The following PAPPA2 variants were observed in gnomAD, a reference collection of about 807,000 sequenced individuals.
PAPPA2 encodes pappalysin-2.
In PAPPA2, 86 loss-of-function variants were observed where a neutral mutation model predicts 176.4. That is an observed-to-expected ratio of 0.49 (90% CI 0.41 to 0.58). PAPPA2 has a LOEUF of 0.58. Ranked by LOEUF, PAPPA2 falls within the 20% of genes least tolerant of loss-of-function variation. The probability of loss-of-function intolerance (pLI) is 0.00; values close to 1 mark genes in which losing one functional copy is unlikely to be tolerated. For missense variants in PAPPA2, 2,073 were observed against 2,256.9 expected, an observed-to-expected ratio of 0.92 and a Z score of 1.65; for synonymous variants, 809 against 852.2, an observed-to-expected ratio of 0.95 and a Z score of 0.88.
intron 12 of PAPPA2, among the ~76,000 whole-genome samples, chr1:176,730,765 T>C (rs1662104975): frequency 6.6e-6 from 1 of 152,202 alleles, no homozygotes; most frequent in South Asian, 2.1e-4. Flanking sequence ...CTACTTTAAT[T>C]GTGCCCCATA....
At chr1:176,499,640 A>C (rs1647839068) in intron 1 of PAPPA2, among the ~76,000 whole-genome samples, 1 of 152,204 alleles carries the variant, frequency 6.6e-6, no homozygotes, top group Non-Finnish European at 1.5e-5. Flanking sequence ...CATGGTGAAC[A>C]GCTCGATCTA....
At chr1:176,488,115 T>C (rs139004066) in intron 1 of PAPPA2, among the ~76,000 whole-genome samples, 1 of 152,300 alleles carries the variant, frequency 6.6e-6, no homozygotes, top group East Asian at 1.9e-4. Flanking sequence ...TCTGCGTGGA[T>C]AGAAAATAGG....
chr1:176,842,033 G>A (rs1437491199), intron 22 of PAPPA2, among the ~76,000 whole-genome samples: 1 of 152,158 alleles, frequency 6.6e-6, no homozygotes, highest in East Asian at 1.9e-4. Flanking sequence ...AGTATTTTTA[G>A]ATATGAGTGG....
chr1:176,489,532 T>A (rs1004410898), intron 1 of PAPPA2, among the ~76,000 whole-genome samples: 8 of 152,220 alleles, frequency 5.3e-5, no homozygotes, highest in African/African-American at 1.7e-4. Context: ...ATGCCTGAAA[T>A]CTGCAGCAGC....
At chr1:176,609,992 C>T (rs1049932169) in intron 3 of PAPPA2, among the ~76,000 whole-genome samples, 3 of 152,002 alleles carry the variant, frequency 2.0e-5, no homozygotes, top group African/African-American at 7.3e-5. Context: ...TTTACAAGGG[C>T]AGGATCATAC....
chr1:176,634,053 G>A (rs559900504), intron 3 of PAPPA2, among the ~76,000 whole-genome samples: 1 of 152,264 alleles, frequency 6.6e-6, no homozygotes, highest in South Asian at 2.1e-4. Flanking sequence ...CGGGGATCTA[G>A]AACTAGAAAT....
intron 19 of PAPPA2, among the ~76,000 whole-genome samples, chr1:176,791,778 T>C (rs866263656): frequency 1.7e-4 from 26 of 152,244 alleles, no homozygotes; most frequent in Middle Eastern, 6.8e-3. Flanking sequence ...GGTCTCAAAC[T>C]CCTGACCTCA....
chr1:176,507,840 T>C (rs1648371521), intron 1 of PAPPA2, among the ~76,000 whole-genome samples: 1 of 151,926 alleles, frequency 6.6e-6, no homozygotes, highest in East Asian at 1.9e-4. Context: ...GGTACTATGC[T>C]CACAACCTGA....
intron 2 of PAPPA2, among the ~76,000 whole-genome samples, chr1:176,581,701 T>C (rs1275095330): frequency 2.0e-5 from 3 of 152,140 alleles, no homozygotes; most frequent in Non-Finnish European, 4.4e-5. Flanking sequence ...TCCAGGTATT[T>C]TATTGCTTCT....
chr1:176,600,938 A>T (rs1372783029), intron 3 of PAPPA2, among the ~76,000 whole-genome samples: 6 of 152,142 alleles, frequency 3.9e-5, no homozygotes, highest in Non-Finnish European at 8.8e-5. Context: ...CACTTCCCAA[A>T]TCCTGTTCAA....
intron 21 of PAPPA2, among the ~76,000 whole-genome samples, chr1:176,825,142 C>T (rs1352528674): frequency 1.3e-5 from 2 of 152,170 alleles, no homozygotes; most frequent in Admixed American, 1.3e-4. Flanking sequence ...CTTTTCCTGA[C>T]AGGATCTCTG....
At chr1:176,807,500 T>C (rs1010963046) in intron 21 of PAPPA2, among the ~76,000 whole-genome samples, 3 of 150,202 alleles carry the variant, frequency 2.0e-5, no homozygotes, top group Non-Finnish European at 4.4e-5. Flanking sequence ...TTTCTTTCTT[T>C]TTTTTTTTTT....
At chr1:176,544,618 G>T (rs372470430) in intron 1 of PAPPA2, among the ~76,000 whole-genome samples, 1 of 152,118 alleles carries the variant, frequency 6.6e-6, no homozygotes, top group Non-Finnish European at 1.5e-5. Context: ...GATGACAACT[G>T]GATGTCCTAC....
At chr1:176,623,728 CTT>C (rs1296950763) in intron 3 of PAPPA2, among the ~76,000 whole-genome samples, 1 of 89,546 alleles carries the variant, frequency 1.1e-5, no homozygotes, top group Non-Finnish European at 2.3e-5. Flanking sequence ...CTTTCTTTCT[CTT>C]TCTTTCTTTC....
chr1:176,693,197 C>T (rs970274557), intron 6 of PAPPA2, among the ~76,000 whole-genome samples: 9 of 152,172 alleles, frequency 5.9e-5, no homozygotes, highest in African/African-American at 1.2e-4. Flanking sequence ...TTCTGAATGA[C>T]GACAGTCCCT....
At chr1:176,654,634 A>G (rs1314923980) in intron 3 of PAPPA2, among the ~76,000 whole-genome samples, 4 of 151,170 alleles carry the variant, frequency 2.6e-5, no homozygotes, top group African/African-American at 9.7e-5. Context: ...ATTTTGATAG[A>G]GATTGCACTG....
intron 3 of PAPPA2, among the ~76,000 whole-genome samples, chr1:176,617,425 A>C (rs1367475028): frequency 1.3e-5 from 2 of 152,090 alleles, no homozygotes; most frequent in Non-Finnish European, 2.9e-5. Flanking sequence ...TCACATGAGC[A>C]GTGTACACTG....
In PAPPA2 at chr1:176,497,832, T is replaced by C. The variant is rs1489691420; in HGVS notation, c.-917+34414T>C. ...GTACTATCATTTTTTCAACATCTGG[T>C]TAGCTCCCTTATGTTACCTTTCTGA... is the stretch of plus-strand genomic sequence containing the variant. On this transcript the variant is annotated intron_variant, in intron 1 of 22. Coordinates refer to ENST00000367662, the MANE Select transcript of PAPPA2 (RefSeq NM_020318.3). 2.0e-5 allele frequency among the ~76,000 whole-genome samples: 3 copies of C among 152,226 alleles called. No individual in the cohort carries two copies. The East Asian group carries it at 5.8e-4, about 29-fold the overall frequency.
intron 21 of PAPPA2, among the ~76,000 whole-genome samples, chr1:176,803,731 C>A (rs1164344180): frequency 3.3e-5 from 5 of 152,214 alleles, no homozygotes; most frequent in Non-Finnish European, 2.9e-5. Context: ...ATACAGGGTT[C>A]TTTCTATTGT....
Sources: allele counts gnomAD v4.1 joint callset (sites outside exome capture counted in the v4.1 genomes callset), GRCh38; gene constraint gnomAD v4.1.1; transcripts MANE v1.5; gene names NCBI Gene and HGNC (gene_info 2026-07-23, HGNC 2026-07-21).